Variants in SMARCB1 observed in about 807,000 individuals in gnomAD.
SMARCB1 encodes the protein SWI/SNF related BAF chromatin remodeling complex subunit B1.
SMARCB1 carries 5 observed loss-of-function variants against 49.0 expected under a neutral mutation model. The observed-to-expected ratio is 0.10, with a 90% CI of 0.05 to 0.21. SMARCB1 has a LOEUF of 0.21. Ranked by LOEUF, SMARCB1 falls within the 10% of genes least tolerant of loss-of-function variation. SMARCB1 has a pLI of 1.00. For synonymous variants in SMARCB1, 201 were observed against 200.1 expected (o/e 1.00, Z -0.04); for missense variants, 226 against 509.2 (o/e 0.44, Z 5.35).
chr22:23,806,222 G>A (rs1300052311), intron 5 of SMARCB1, among the ~76,000 whole-genome samples: 1 of 152,138 alleles, frequency 6.6e-6, no homozygotes, highest in South Asian at 2.1e-4. Flanking sequence ...ACGTGGTCCT[G>A]GAATCTGAGA....
Position 23,833,591 on chromosome 22 carries a change from G to A in SMARCB1, c.1006G>A (p.Val336Met). ...TCGTAGCGAGAACCCTCTGCCCACA[G>A]TGGAGATTGCCATCCGGAACACGGG... ...YAFSENPLPT[V>M]EIAIRNTGDA... The change falls in exon 8 of 9, where the codon GTG (valine) becomes ATG (methionine). Residue 336 changes from valine (V) to methionine (M), a missense_variant. Physicochemically the swap from Val to Met is conservative, Grantham distance 21. Around this residue, in one of 6 missense-constraint regions of SMARCB1, gnomAD observed 35 missense variants for 107.2 expected, o/e 0.33. Transcript: ENST00000644036. 6.2e-7 allele frequency: 1 copy of A among 1,614,240 alleles called. No individual in the cohort carries two copies. The highest frequency in any genetic ancestry group is 8.5e-7 in the Non-Finnish European group (1 of 1,180,052).
chr22:23,814,333 C>T (rs1396330088), intron 5 of SMARCB1, among the ~76,000 whole-genome samples: 1 of 152,194 alleles, frequency 6.6e-6, no homozygotes, highest in Admixed American at 6.5e-5. Flanking sequence ...GGAGGAAAGA[C>T]AGCTCATTCA....
At chr22:23,828,199 C>T (rs2030482290) in intron 7 of SMARCB1, among the ~76,000 whole-genome samples, 1 of 152,136 alleles carries the variant, frequency 6.6e-6, no homozygotes, top group Admixed American at 6.5e-5. Flanking sequence ...ACTACAGGTG[C>T]CCGCCACCAC....
chr22:23,832,162 G>A (rs1230346118), intron 7 of SMARCB1, among the ~76,000 whole-genome samples: 1 of 152,150 alleles, frequency 6.6e-6, no homozygotes, highest in Non-Finnish European at 1.5e-5. Context: ...CACTGGTGTG[G>A]ATGTGCAGAG....
rs974427838 is a variant in SMARCB1, at chr22:23,837,518, G to C, written c.*3338G>C. 1 of 899,808 alleles carries C rather than the reference G, an allele frequency of 1.1e-6. No individual in the cohort carries two copies. Among genetic ancestry groups the C allele is most frequent in the Non-Finnish European group, 1.7e-6 (1 of 598,342 alleles). The allele number at this position is 899,808 out of a possible 1,614,324, so 55.7% of individuals were successfully genotyped here. A position where few individuals can be genotyped will look rare whatever the true frequency, so the allele number is the denominator to read the frequency against. On this transcript the variant is annotated 3_prime_UTR_variant, in exon 9 of 9. Coordinates refer to ENST00000644036, the MANE Select transcript of SMARCB1 (RefSeq NM_003073.5). ...CTTGAGGGGCTGTAAGAGCACAGCA[G>C]CTGGGAGGGCAGGAAGATGGGGATG...
Position 23,787,147 on chromosome 22 carries a change from G to A in SMARCB1, c.-23G>A. On this transcript the variant is annotated 5_prime_UTR_variant, in exon 1 of 9. Transcript: ENST00000644036. ...TCCTGATCCCTCGCAGCCCGGCTCC[G>A]GCCGCCCGCCTCTGCCGCCGCAATG... 1 of 1,557,064 alleles carries A rather than the reference G, an allele frequency of 6.4e-7. No homozygotes were observed. The highest frequency in any genetic ancestry group is 8.8e-7 in the Non-Finnish European group (1 of 1,131,854).
At chr22:23,817,098 G>A (rs1930241244) in intron 6 of SMARCB1, 162 bp downstream of exon 6, 6 of 658,660 alleles carry the variant, frequency 9.1e-6, no homozygotes, top group East Asian at 2.7e-5. Flanking sequence ...AATCCCCCAG[G>A]AAGGGCATAG....
intron 3 of SMARCB1, among the ~76,000 whole-genome samples, chr22:23,797,300 T>G (rs532074091): frequency 0.048 from 6,695 of 140,942 alleles, 498 homozygotes; most frequent in African/African-American, 0.17. Flanking sequence ...GCCTGGCCTG[T>G]TTTTTTTTAT....
chr22:23,816,408 A>G, intron 5 of SMARCB1: 1 of 438,690 alleles, frequency 2.3e-6, no homozygotes, highest in Non-Finnish European at 4.3e-6. Flanking sequence ...TTCAGCACAG[A>G]GGGGAGTAGA....
At chr22:23,801,939 G>A (rs1929181000) in intron 4 of SMARCB1, 1 of 161,146 alleles carries the variant, frequency 6.2e-6, no homozygotes. Flanking sequence ...GGCGCGTGGA[G>A]ATCCAGCCCT....
chr22:23,833,804 CAG>C (rs2030803639), intron 8 of SMARCB1, 101 bp downstream of exon 8: 3 of 1,366,928 alleles, frequency 2.2e-6, no homozygotes, highest in African/African-American at 2.8e-5. Flanking sequence ...GTCTCTGAGA[CAG>C]AGTACCTCTA....
At chr22:23,825,031 C>G in intron 6 of SMARCB1, 194 bp from the exon 7 acceptor site, 1 of 622,200 alleles carries the variant, frequency 1.6e-6, no homozygotes, top group South Asian at 1.9e-5. Context: ...TGAGCCAGAG[C>G]CCCTCATGGC....
At chr22:23,799,702 T>TTTTTTTTTTTTTTTTTG (rs1929020255) in intron 3 of SMARCB1, among the ~76,000 whole-genome samples, 1 of 86,934 alleles carries the variant, frequency 1.2e-5, no homozygotes, top group Admixed American at 1.4e-4. Flanking sequence ...TTTTTTTTTT[T>TTTTTTTTTTTTTTTTTG]GAGACGGAGT....
rs1423891924 is a variant in SMARCB1 at position 23,836,997 on chromosome 22, C to T, written c.*2817C>T. ...GGGGCCCGTGTTGAGCACAGGCCAG[C>T]ACAGGTCCCCATCGGTGGGGATCCT... On this transcript the variant is annotated 3_prime_UTR_variant, in exon 9 of 9. Coordinates refer to ENST00000644036, the MANE Select transcript of SMARCB1 (RefSeq NM_003073.5). 4.3e-6 allele frequency: 7 copies of T among 1,610,932 alleles called. No individual in the cohort carries two copies. Among genetic ancestry groups the T allele is most frequent in the African/African-American group, 1.3e-5 (1 of 74,714 alleles).
At position 23,837,073 on chromosome 22, in the gene SMARCB1, G is replaced by A; in HGVS notation, c.*2893G>A. 6.2e-7 allele frequency: 1 copy of A among 1,613,904 alleles called. No homozygotes were observed. The highest frequency in any genetic ancestry group is 1.1e-5 in the South Asian group (1 of 91,068). On this transcript the variant is annotated 3_prime_UTR_variant, in exon 9 of 9. Coordinates refer to ENST00000644036, the MANE Select transcript of SMARCB1 (RefSeq NM_003073.5). ...GGCTCTCAACACTCACAGGAAGCCA[G>A]GGGTCTGCAGGAGCCTCTTGCCTCC... is the stretch of plus-strand genomic sequence containing the variant.
intron 3 of SMARCB1, 106 bp from the exon 4 acceptor site, chr22:23,800,838 G>T: frequency 2.2e-6 from 2 of 905,602 alleles, no homozygotes; most frequent in Non-Finnish European, 3.7e-6. Flanking sequence ...TGGGAGCCTC[G>T]AGCCTGACAG....
In SMARCB1 at chr22:23,786,988, C is replaced by G. The variant is rs1415558569; in HGVS notation, c.-182C>G. The G allele has an allele frequency of 2.0e-6, 1 of 497,744 alleles. No homozygotes were observed. The highest frequency in any genetic ancestry group is 3.6e-5 in the East Asian group (1 of 28,036). The allele number at this position is 497,744 out of a possible 1,614,324, so 30.8% of individuals were successfully genotyped here. On this transcript the variant is annotated 5_prime_UTR_variant, in exon 1 of 9. Coordinates refer to ENST00000644036, the MANE Select transcript of SMARCB1 (RefSeq NM_003073.5). ...AACGCCAGCGCCTGCGCACTGAGGGCGGCCTGGTCGTCGTCTGCGGCGGCG... is the reference window on the plus strand; with the variant it reads ...AACGCCAGCGCCTGCGCACTGAGGGGGGCCTGGTCGTCGTCTGCGGCGGCG...
rs181535763 is a variant in SMARCB1, at chr22:23,832,674, C to T, written c.987-898C>T. Among the ~76,000 whole-genome samples, 6 of 149,328 alleles carry T rather than the reference C, an allele frequency of 4.0e-5. No individual in the cohort carries two copies. In the South Asian group the frequency reaches 6.9e-4, roughly 17 times the overall value. On this transcript the variant is annotated intron_variant, in intron 7 of 8. Transcript: ENST00000644036. ...AAGCTGCTCTCAGAGGTGGGGGTGA[C>T]GGGACCACTGCATGTGGGAGGCACA...
intron 7 of SMARCB1, among the ~76,000 whole-genome samples, chr22:23,827,011 A>G (rs555099023): frequency 6.6e-6 from 1 of 152,276 alleles, no homozygotes; most frequent in South Asian, 2.1e-4. Context: ...TGTAGCGTGC[A>G]TTCACCCTGC....
Sources: allele counts gnomAD v4.1 joint callset (sites outside exome capture counted in the v4.1 genomes callset), GRCh38; gene constraint gnomAD v4.1.1; regional missense constraint gnomAD v4.1.1; transcripts MANE v1.5; gene names NCBI Gene and HGNC (gene_info 2026-07-23, HGNC 2026-07-21).